Variants in MYO15B observed in about 807,000 individuals in gnomAD.
The protein encoded by MYO15B is myosin XVB.
A neutral mutation model predicts 119.3 loss-of-function variants in MYO15B; 207 were observed. That is an observed-to-expected ratio of 1.73 (90% confidence interval 1.55 to 1.95). The LOEUF (loss-of-function observed/expected upper bound fraction) is 1.95, where lower values mean the gene tolerates loss of function less well. Ranked by LOEUF, MYO15B falls within the 30% of genes most tolerant of loss-of-function variation. MYO15B has a pLI of 0.00. For missense variants in MYO15B, 2,264 were observed against 1,203.1 expected, an observed-to-expected ratio of 1.88 and a Z score of -13.04; for synonymous variants, 966 against 498.9, an observed-to-expected ratio of 1.94 and a Z score of -12.48.
At chr17:75,596,692 G>A (rs1568129229) in intron 13 of MYO15B, 76 bp from the exon 14 acceptor site, 1 of 669,106 alleles carries the variant, frequency 1.5e-6, no homozygotes, top group East Asian at 2.7e-5. Context: ...AGTCTTCTGA[G>A]CCTCAATGTA....
chr17:75,598,062 G>A (rs1404308859), intron 14 of MYO15B, among the ~76,000 whole-genome samples: 1 of 152,110 alleles, frequency 6.6e-6, no homozygotes, highest in Non-Finnish European at 1.5e-5. Context: ...TGTGGAGCAG[G>A]AGTTTCTGTG....
chr17:75,589,035 G>A lies in MYO15B; in HGVS notation c.978G>A (p.Ala326=). Reference sequence around the variant, plus strand: ...GCGAAGCGGGAGCCGCAGCAGGAGCGGGGCCGGAGGACCCAGCCCCGCTGG... The same window carrying A: ...GCGAAGCGGGAGCCGCAGCAGGAGCAGGGCCGGAGGACCCAGCCCCGCTGG... Residue 326 remains alanine, a synonymous_variant, in exon 1 of 64, where the codon GCG becomes GCA. Coordinates refer to ENST00000645453, the Ensembl canonical transcript of MYO15B. The surrounding 1 kb of genome is among the most constrained non-coding windows in gnomAD (Gnocchi z 4.2). 2.5e-6 allele frequency: 1 copy of A among 397,176 alleles called. No homozygotes were observed. Among genetic ancestry groups the A allele is most frequent in the Admixed American group, 4.4e-5 (1 of 22,668 alleles). The allele number at this position is 397,176 out of a possible 1,614,324, so 24.6% of individuals were successfully genotyped here.
intron 60 of MYO15B, 101 bp downstream of exon 60, chr17:75,625,339 A>G (rs969027462): frequency 3.1e-6 from 2 of 640,870 alleles, no homozygotes; most frequent in African/African-American, 3.6e-5. Context: ...GGCCAGGAGC[A>G]GCGGGGCCTG....
At position 75,624,275 on chromosome 17, in the gene MYO15B, G is replaced by C. The variant is rs954420442; in HGVS notation, c.8367+6G>C. On this transcript the variant is annotated splice_donor_region_variant and intron_variant, in intron 56 of 63. Transcript: ENST00000645453. The stretch of plus-strand genomic sequence containing the variant: ...GTGAAATGAAGGCTTTCCTGGTACT[G>C]GGGGTGGCGGATGGGCATTGTGGGA... The C allele has an allele frequency of 2.8e-6, 2 of 702,936 alleles. No individual in the cohort carries two copies. The highest frequency in any genetic ancestry group is 5.2e-6 in the Non-Finnish European group (2 of 384,950). The allele number at this position is 702,936 out of a possible 1,614,324, so 43.5% of individuals were successfully genotyped here.
intron 21 of MYO15B, chr17:75,606,923 G>A (rs767148029): frequency 1.0e-5 from 4 of 397,976 alleles, no homozygotes; most frequent in African/African-American, 2.1e-5. Flanking sequence ...TCTCTTTTTC[G>A]CCCTCACAGC....
chr17:75,613,403 C>T (rs546788967), exon 28 of MYO15B: 68 of 674,264 alleles, frequency 1.0e-4, no homozygotes, highest in South Asian at 7.8e-4. Flanking sequence ...GCCCACCCCC[C>T]GACCCAGCTG....
intron 21 of MYO15B, among the ~76,000 whole-genome samples, chr17:75,609,811 T>A (rs1026354503): frequency 6.6e-6 from 1 of 150,580 alleles, no homozygotes; most frequent in African/African-American, 2.4e-5. Context: ...GTTCAAGTGA[T>A]TCTGGTGCCT....
At chr17:75,624,131 G>C (rs1568233211) in intron 55 of MYO15B, 44 bp from the exon 56 acceptor site, 1 of 702,716 alleles carries the variant, frequency 1.4e-6, no homozygotes. Flanking sequence ...GGTGGGCTTG[G>C]GGAGACATGG....
intron 21 of MYO15B, chr17:75,606,867 G>A (rs1364779509): frequency 2.5e-6 from 1 of 397,636 alleles, no homozygotes; most frequent in Non-Finnish European, 4.4e-6. Context: ...AGTGACTTTA[G>A]ACTTCTCTTT....
intron 25 of MYO15B, among the ~76,000 whole-genome samples, 171 bp downstream of exon 25, chr17:75,612,187 T>C (rs1726609194): frequency 6.6e-6 from 1 of 152,216 alleles, no homozygotes; most frequent in Non-Finnish European, 1.5e-5. Context: ...TGAATGTAAT[T>C]GTCTCACCAT....
At chr17:75,600,316 C>T (rs2057175502) in intron 14 of MYO15B, among the ~76,000 whole-genome samples, 1 of 151,892 alleles carries the variant, frequency 6.6e-6, no homozygotes, top group African/African-American at 2.4e-5. Flanking sequence ...CGTGAGCCAC[C>T]GCGTCCGGCC....
In MYO15B at chr17:75,594,681, G is replaced by A. The variant is rs985139893; in HGVS notation, c.3106-20G>A. The A allele has an allele frequency of 1.4e-6, 1 of 702,776 alleles. No individual in the cohort carries two copies. Among genetic ancestry groups the A allele is most frequent in the African/African-American group, 1.7e-5 (1 of 57,270 alleles). 43.5% of individuals were successfully genotyped at this position (702,776 alleles called of 1,614,324 possible). A position where few individuals can be genotyped will look rare whatever the true frequency, so the allele number is the denominator to read the frequency against. ...GGGCTGCAGGCCTGACACACCAGCT[G>A]TGCCTCCTCTGCCCTCCAGGAGACG... On this transcript the variant is annotated intron_variant, in intron 10 of 63. Transcript: ENST00000645453.
exon 40 of MYO15B, chr17:75,616,899 A>C: frequency 1.4e-6 from 1 of 703,000 alleles, no homozygotes; most frequent in Non-Finnish European, 2.6e-6. Flanking sequence ...CCTGAGGAAA[A>C]TCGACCCCAA....
chr17:75,594,214 G>GC (rs59173148), intron 9 of MYO15B, among the ~76,000 whole-genome samples: 8,215 of 152,170 alleles, frequency 0.054, 715 homozygotes, highest in African/African-American at 0.18. Flanking sequence ...AAGGGTTACT[G>GC]CTTCCCCTTT....
chr17:75,625,746 G>T (rs559314134), intron 61 of MYO15B, 86 bp downstream of exon 61: 123 of 701,124 alleles, frequency 1.8e-4, no homozygotes, highest in Non-Finnish European at 3.0e-4. Context: ...AGGGGTCTGC[G>T]CCTGCCCTGT....
chr17:75,614,908 C>T (rs547159824), intron 32 of MYO15B, 53 bp from the exon 33 acceptor site: 1 of 702,960 alleles, frequency 1.4e-6, no homozygotes, highest in East Asian at 2.7e-5. Context: ...CTCTGCTGCC[C>T]CTTCCATTTT....
At chr17:75,619,211 C>T in exon 44 of MYO15B, 1 of 702,796 alleles carries the variant, frequency 1.4e-6, no homozygotes, top group Non-Finnish European at 2.6e-6. Flanking sequence ...AAATGAAAGA[C>T]CTGCTGGGTA....
exon 53 of MYO15B, chr17:75,622,063 C>T (rs1444116391): frequency 1.4e-6 from 1 of 703,042 alleles, no homozygotes; most frequent in Non-Finnish European, 2.6e-6. Flanking sequence ...GATGGATCTG[C>T]TCTATGAACT....
At chr17:75,625,490 G>A (rs1452613970) in intron 60 of MYO15B, 37 bp from the exon 61 acceptor site, 1 of 702,602 alleles carries the variant, frequency 1.4e-6, no homozygotes, top group Admixed American at 2.0e-5. Flanking sequence ...TGTACCAGGT[G>A]GTCAGGGGCC....
Sources: allele counts gnomAD v4.1 joint callset (sites outside exome capture counted in the v4.1 genomes callset), GRCh38; gene constraint gnomAD v4.1.1; non-coding constraint Gnocchi (gnomAD v3.1); transcripts MANE v1.5; gene names NCBI Gene and HGNC (gene_info 2026-07-23, HGNC 2026-07-21).